CERKL: variants seen among roughly 807,000 people sequenced by gnomAD.
CERKL encodes the protein ceramide kinase-like protein.
CERKL carries 61 observed loss-of-function variants against 63.4 expected under a neutral mutation model. That is an observed-to-expected ratio of 0.96 (90% CI 0.78 to 1.19). The LOEUF (loss-of-function observed/expected upper bound fraction) is 1.19. Among genes scored for constraint, CERKL ranks in the 50% most tolerant of loss-of-function variants. CERKL has a pLI of 0.00. For missense variants in CERKL, 675 were observed against 655.5 expected (o/e 1.03, Z -0.33); for synonymous variants, 250 against 230.5 (o/e 1.08, Z -0.77).
intron 6 of CERKL, 77 bp downstream of exon 6, chr2:181,549,557 G>C: frequency 8.7e-7 from 1 of 1,149,820 alleles, no homozygotes; most frequent in Non-Finnish European, 1.3e-6. Flanking sequence ...CTTAAAGTCT[G>C]ATGGAAATAA....
At chr2:181,548,072 A>T (rs1404736685) in intron 8 of CERKL, 1 of 605,822 alleles carries the variant, frequency 1.7e-6, no homozygotes, top group Non-Finnish European at 2.9e-6. Context: ...ATAATAATGT[A>T]CTATTTCTTT....
intron 11 of CERKL, among the ~76,000 whole-genome samples, chr2:181,541,327 T>A (rs1011682828): frequency 5.9e-5 from 9 of 152,170 alleles, no homozygotes; most frequent in African/African-American, 1.9e-4. Flanking sequence ...CCTGCTGACA[T>A]TGTCTTGCAG....
intron 2 of CERKL, among the ~76,000 whole-genome samples, chr2:181,593,981 T>A (rs1685090955): frequency 6.6e-6 from 1 of 152,082 alleles, no homozygotes; most frequent in Non-Finnish European, 1.5e-5. Context: ...CTCAGAGTGC[T>A]GATTCCTTAG....
chr2:181,568,452 A>G (rs1381722688), intron 3 of CERKL, among the ~76,000 whole-genome samples: 2 of 152,180 alleles, frequency 1.3e-5, no homozygotes, highest in Non-Finnish European at 2.9e-5. Flanking sequence ...TCCATGGCCA[A>G]GGCCAGTTGT....
intron 2 of CERKL, among the ~76,000 whole-genome samples, chr2:181,579,915 C>T (rs1413525861): frequency 6.6e-6 from 1 of 151,880 alleles, no homozygotes; most frequent in African/African-American, 2.4e-5. Context: ...TCTCTTTCTG[C>T]ACTGCCCATC....
intron 2 of CERKL, among the ~76,000 whole-genome samples, chr2:181,592,465 A>C (rs1389366686): frequency 6.6e-6 from 1 of 152,180 alleles, no homozygotes; most frequent in African/African-American, 2.4e-5. Flanking sequence ...AAAATATTTT[A>C]TTGGCACCTA....
chr2:181,647,820 A>T (rs1322481341), intron 1 of CERKL, among the ~76,000 whole-genome samples: 1 of 152,176 alleles, frequency 6.6e-6, no homozygotes, highest in African/African-American at 2.4e-5. Context: ...TCTTAAAAAA[A>T]TTCAGCAGGC....
Position 181,558,775 on chromosome 2 carries a change from T to C in CERKL, c.678-67A>G, listed in dbSNP as rs1688315829. On this transcript the variant is annotated intron_variant, in intron 4 of 12. Transcript: ENST00000410087. The surrounding 1 kb of genome is among the most constrained non-coding windows in gnomAD (Gnocchi z 4.2). ...ATGATTGGTAATAAGTCATGAAATC[T>C]AGACTTCAAAATAGTTTACTAATTT... 3 of 1,520,118 alleles carry C rather than the reference T, an allele frequency of 2.0e-6. No homozygotes were observed. Among genetic ancestry groups the C allele is most frequent in the Admixed American group, 1.7e-5 (1 of 59,416 alleles). The allele number at this position is 1,520,118 out of a possible 1,614,324, so 94.2% of individuals were successfully genotyped here. A position where few individuals can be genotyped will look rare whatever the true frequency, so the allele number is the denominator to read the frequency against.
In CERKL at chr2:181,656,792, G is replaced by A. The variant is rs749945024; in HGVS notation, c.215C>T (p.Pro72Leu). 7.5e-6 allele frequency: 12 copies of A among 1,596,836 alleles called. No individual in the cohort carries two copies. Among genetic ancestry groups the A allele is most frequent in the South Asian group, 1.1e-5 (1 of 89,658 alleles). ...VLSERALRWR[P>L]IQPERPAGDS... ...ACCCGCCGGGCGCTCGGGCTGAATG[G>A]GCCGCCACCGCAGTGCTCGCTCGCT... The change falls in exon 1 of 13, where the codon CCC (proline) becomes CTC (leucine). Residue 72 changes from proline to leucine, a missense_variant. Physicochemically the swap from Pro to Leu is moderately conservative, Grantham distance 98. Transcript: ENST00000410087.
At position 181,539,226 on chromosome 2, in the gene CERKL, T is replaced by G; in HGVS notation, c.1404A>C (p.Glu468Asp). 2 of 1,601,256 alleles carry G rather than the reference T, an allele frequency of 1.2e-6. No homozygotes were observed. The highest frequency in any genetic ancestry group is 2.2e-5 in the South Asian group (2 of 90,794). Residue 468 changes from glutamate (E) to aspartate (D), a missense_variant, in exon 12 of 13, where the codon GAA (glutamate) becomes GAC (aspartate). By Grantham distance (45) the Glu-to-Asp change is conservative (BLOSUM62 2). Transcript: ENST00000410087. The stretch of plus-strand genomic sequence containing the variant: ...TATTATTCCTTGGATGAACTTTTAC[T>G]TCCTCAACAGTGTAAGTCTCAACAA... ...FPFVETYTVE[E>D]VKVHPRNNTG...
chr2:181,633,732 G>C (rs760172986), intron 1 of CERKL, among the ~76,000 whole-genome samples: 1 of 152,070 alleles, frequency 6.6e-6, no homozygotes, highest in African/African-American at 2.4e-5. Flanking sequence ...GTAAAAGAAG[G>C]GATCCTAACT....
intron 1 of CERKL, among the ~76,000 whole-genome samples, chr2:181,610,674 G>A (rs1055838791): frequency 1.3e-5 from 2 of 152,006 alleles, no homozygotes; most frequent in Non-Finnish European, 2.9e-5. Flanking sequence ...TTTATTAAAG[G>A]AGATAAAAAG....
At chr2:181,547,757 C>T in intron 9 of CERKL, 31 bp from the exon 10 acceptor site, 1 of 1,613,512 alleles carries the variant, frequency 6.2e-7, no homozygotes, top group South Asian at 1.1e-5. Flanking sequence ...TGGTTATTTT[C>T]CCTCACCAGA....
intron 1 of CERKL, among the ~76,000 whole-genome samples, chr2:181,633,254 A>T (rs1276603720): frequency 6.6e-6 from 1 of 152,246 alleles, no homozygotes; most frequent in Non-Finnish European, 1.5e-5. Context: ...TCCTAATGAC[A>T]TAAGTCACCC....
intron 12 of CERKL, 51 bp downstream of exon 12, chr2:181,539,041 T>C (rs767272726): frequency 1.6e-6 from 2 of 1,284,274 alleles, no homozygotes; most frequent in Non-Finnish European, 2.2e-6. Context: ...CGTTGTAATA[T>C]TAGATTTATG....
intron 2 of CERKL, among the ~76,000 whole-genome samples, chr2:181,603,260 T>G (rs1464623596): frequency 2.6e-5 from 4 of 152,182 alleles, no homozygotes; most frequent in African/African-American, 7.2e-5. Context: ...GAATACATTC[T>G]TATATAGTTC....
chr2:181,598,879 A>G (rs921798235), intron 2 of CERKL, among the ~76,000 whole-genome samples: 4 of 152,226 alleles, frequency 2.6e-5, no homozygotes, highest in Non-Finnish European at 4.4e-5. Flanking sequence ...GGGGAAAAAA[A>G]AAAAAAGTTT....
At chr2:181,639,545 T>C (rs1314569582) in intron 1 of CERKL, among the ~76,000 whole-genome samples, 1 of 152,226 alleles carries the variant, frequency 6.6e-6, no homozygotes, top group Non-Finnish European at 1.5e-5. Flanking sequence ...ATGATGGAAC[T>C]GTCTTAAAAG....
chr2:181,585,890 T>C (rs1684742007), intron 2 of CERKL, among the ~76,000 whole-genome samples: 1 of 152,166 alleles, frequency 6.6e-6, no homozygotes, highest in South Asian at 2.1e-4. Flanking sequence ...AGCAAGCCCA[T>C]TGCCTTATCC....
Sources: gnomAD v4.1 joint callset for allele counts (sites outside exome capture counted in the v4.1 genomes callset) on GRCh38, gnomAD v4.1.1 for gene constraint, Gnocchi (gnomAD v3.1) non-coding constraint, MANE v1.5 for transcripts, NCBI Gene and HGNC (gene_info 2026-07-23, HGNC 2026-07-21) for gene names.